The following ZBBX variants were observed in gnomAD, a reference collection of about 807,000 sequenced individuals.
ZBBX encodes the protein zinc finger B-box domain containing.
In ZBBX, 101 loss-of-function variants were observed where a neutral mutation model predicts 108.5. The observed-to-expected ratio is 0.93, with a 90% confidence interval of 0.79 to 1.10. The LOEUF is 1.10. Ranked by LOEUF, ZBBX falls within the 50% of genes least tolerant of loss-of-function variation. ZBBX has a pLI of 0.00. For missense variants in ZBBX, 1,009 were observed against 941.4 expected, an observed-to-expected ratio of 1.07 and a Z score of -0.94; for synonymous variants, 356 against 323.4, an observed-to-expected ratio of 1.10 and a Z score of -1.08.
At chr3:167,312,727 C>A (rs554761481) in intron 16 of ZBBX, among the ~76,000 whole-genome samples, 1 of 152,140 alleles carries the variant, frequency 6.6e-6, no homozygotes, top group Non-Finnish European at 1.5e-5. Flanking sequence ...ATCTTCAGGA[C>A]AAGATTGGAA....
intron 10 of ZBBX, chr3:167,331,533 A>G (rs1738627056): frequency 1.0e-6 from 1 of 983,166 alleles, no homozygotes; most frequent in Non-Finnish European, 1.2e-6. Flanking sequence ...GATGTCAGAC[A>G]TTTTCATATT....
intron 21 of ZBBX, among the ~76,000 whole-genome samples, chr3:167,241,508 G>A (rs73042069): frequency 0.017 from 2,644 of 152,190 alleles, 76 homozygotes; most frequent in African/African-American, 0.06. Context: ...ACTTGTAGGT[G>A]TAGTTTGTTT....
chr3:167,386,006 C>G (rs867836435), intron 1 of ZBBX, among the ~76,000 whole-genome samples: 3 of 151,982 alleles, frequency 2.0e-5, no homozygotes, highest in Admixed American at 6.6e-5. Context: ...CCCAACCTAC[C>G]CTTGTAATGG....
intron 9 of ZBBX, 52 bp downstream of exon 9, chr3:167,350,358 ATGTCTTTATG>A: frequency 7.7e-7 from 1 of 1,299,198 alleles, no homozygotes; most frequent in Admixed American, 2.1e-5. Context: ...GACATTTTAA[ATGTCTTTATG>A]TGGAAACATT....
the ZBBX span, among the ~76,000 whole-genome samples, chr3:167,207,041 A>G: frequency 6.6e-6 from 1 of 152,302 alleles, no homozygotes; most frequent in African/African-American, 2.4e-5. Context: ...TAGAAGAAAC[A>G]TAGCAAAAAA....
chr3:167,376,207 G>A (rs1323952125), intron 2 of ZBBX, among the ~76,000 whole-genome samples: 1 of 152,110 alleles, frequency 6.6e-6, no homozygotes, highest in Non-Finnish European at 1.5e-5. Context: ...TGGGAGGGAG[G>A]TGGTAGCATT....
chr3:167,406,153 T>C (rs1748577915), intron 1 of ZBBX, among the ~76,000 whole-genome samples: 1 of 152,254 alleles, frequency 6.6e-6, no homozygotes, highest in African/African-American at 2.4e-5. Flanking sequence ...AAGCTACATC[T>C]TCAGAGACAA....
chr3:167,290,648 T>A (rs939997728), intron 18 of ZBBX, among the ~76,000 whole-genome samples: 1 of 152,022 alleles, frequency 6.6e-6, no homozygotes, highest in African/African-American at 2.4e-5. Flanking sequence ...ATGCCTCCTC[T>A]CCTCCAAAGG....
At position 167,347,140 on chromosome 3, in the gene ZBBX, C is replaced by T. The variant is rs1181410737; in HGVS notation, c.528+3280G>A. On this transcript the variant is annotated intron_variant, in intron 9 of 21. Coordinates refer to ENST00000675490, the MANE Select transcript of ZBBX (RefSeq NM_001199201.2). The stretch of plus-strand genomic sequence containing the variant: ...ACACATAGTGAAACTGTTCACTGTG[C>T]TCTATTTACAGGAGGGAGTACGTAG... 7.2e-5 allele frequency among the ~76,000 whole-genome samples: 11 copies of T among 151,956 alleles called. No individual in the cohort carries two copies. The East Asian group carries it at 1.9e-3, about 27-fold the overall frequency.
the ZBBX span, among the ~76,000 whole-genome samples, chr3:167,190,832 T>TGAACA: frequency 2.6e-5 from 4 of 152,172 alleles, no homozygotes; most frequent in African/African-American, 9.7e-5. Flanking sequence ...GCCAGTGAGC[T>TGAACA]GAACAGACTT....
the ZBBX span, among the ~76,000 whole-genome samples, chr3:167,208,654 C>T: frequency 1.3e-5 from 2 of 152,318 alleles, 1 homozygote; most frequent in East Asian, 3.9e-4. Context: ...CAATGATCAG[C>T]AGTCATAGCC....
intron 20 of ZBBX, chr3:167,252,351 T>C (rs923709528): frequency 5.5e-5 from 24 of 440,332 alleles, no homozygotes; most frequent in Non-Finnish European, 9.2e-5. Flanking sequence ...ATGAAGTTTT[T>C]CCAGACTGCA....
chr3:167,304,347 C>T (rs1045856357), intron 17 of ZBBX, among the ~76,000 whole-genome samples: 1 of 152,192 alleles, frequency 6.6e-6, no homozygotes, highest in Admixed American at 6.5e-5. Flanking sequence ...TCACCTGGTA[C>T]TCTTCATGTT....
chr3:167,231,484 C>A, the ZBBX span, among the ~76,000 whole-genome samples: 2 of 151,562 alleles, frequency 1.3e-5, no homozygotes, highest in Non-Finnish European at 3.0e-5. Context: ...TAATTGTTGA[C>A]AAGATCATTG....
At chr3:167,261,299 G>A (rs1451120932) in intron 20 of ZBBX, among the ~76,000 whole-genome samples, 2 of 152,104 alleles carry the variant, frequency 1.3e-5, no homozygotes, top group African/African-American at 4.8e-5. Context: ...TTTTTGTACT[G>A]GTTGGCCTCC....
intron 17 of ZBBX, 45 bp from the exon 18 acceptor site, chr3:167,298,503 CACAA>C: frequency 7.4e-7 from 1 of 1,344,242 alleles, no homozygotes; most frequent in Non-Finnish European, 9.9e-7. Flanking sequence ...AACTCATTAA[CACAA>C]ACAAGCATAT....
chr3:167,220,017 A>T, the ZBBX span, among the ~76,000 whole-genome samples: 16 of 152,158 alleles, frequency 1.1e-4, no homozygotes, highest in East Asian at 2.3e-3. Flanking sequence ...ATAAATTTCT[A>T]GACACATTCA....
intron 15 of ZBBX, among the ~76,000 whole-genome samples, chr3:167,315,209 G>A (rs1735237208): frequency 6.6e-6 from 1 of 152,138 alleles, no homozygotes; most frequent in South Asian, 2.1e-4. Flanking sequence ...GATACAGTTA[G>A]ATATTATTTT....
chr3:167,348,653 G>C (rs1252528402), intron 9 of ZBBX, among the ~76,000 whole-genome samples: 2 of 151,988 alleles, frequency 1.3e-5, no homozygotes, highest in African/African-American at 4.8e-5. Flanking sequence ...GATAGAAAGG[G>C]AGTAGAGAGA....
Sources: allele counts gnomAD v4.1 joint callset (sites outside exome capture counted in the v4.1 genomes callset), GRCh38; gene constraint gnomAD v4.1.1; transcripts MANE v1.5; gene names NCBI Gene and HGNC (gene_info 2026-07-23, HGNC 2026-07-21).